LMNTD1: variants seen among roughly 807,000 people sequenced by gnomAD.
LMNTD1 encodes lamin tail domain containing 1.
Under a neutral mutation model 50.9 loss-of-function variants are expected in LMNTD1, and 35 were observed. The observed-to-expected ratio is 0.69, with a 90% confidence interval of 0.53 to 0.91. The LOEUF (loss-of-function observed/expected upper bound fraction) is 0.91. LMNTD1 is among the 40% of genes least tolerant of loss of function. The pLI is 0.00. For missense variants in LMNTD1, 470 were observed against 475.5 expected (o/e 0.99, Z 0.11); for synonymous variants, 153 against 161.9 (o/e 0.94, Z 0.42).
chr12:25,595,767 C>A (rs1355711304), intron 1 of LMNTD1, among the ~76,000 whole-genome samples: 3 of 151,346 alleles, frequency 2.0e-5, no homozygotes, highest in Admixed American at 6.6e-5. Flanking sequence ...GCAACAGCAA[C>A]AAAAAATTAC....
intron 1 of LMNTD1, among the ~76,000 whole-genome samples, chr12:25,591,537 C>T (rs1388263707): frequency 6.6e-6 from 1 of 152,146 alleles, no homozygotes; most frequent in Non-Finnish European, 1.5e-5. Context: ...TGATTCTAGT[C>T]CCTGGCTCCT....
chr12:25,582,137 A>T (rs566033574), intron 1 of LMNTD1, among the ~76,000 whole-genome samples: 2 of 152,276 alleles, frequency 1.3e-5, no homozygotes, highest in Admixed American at 6.5e-5. Flanking sequence ...CTCCATATGG[A>T]TTTTCAGGAT....
intron 6 of LMNTD1, among the ~76,000 whole-genome samples, chr12:25,525,753 A>G (rs1047153806): frequency 6.6e-6 from 1 of 152,030 alleles, no homozygotes; most frequent in African/African-American, 2.4e-5. Flanking sequence ...CCATTCTATG[A>G]AAAAGTAGCC....
At chr12:25,616,655 G>A (rs950665646) in intron 1 of LMNTD1, among the ~76,000 whole-genome samples, 2 of 152,156 alleles carry the variant, frequency 1.3e-5, no homozygotes, top group Non-Finnish European at 2.9e-5. Context: ...TACCATTGGG[G>A]AAAACTGAGT....
chr12:25,487,535 C>G lies in LMNTD1; in HGVS notation c.*23-11075G>C, dbSNP rs1199369433. Among the ~76,000 whole-genome samples, 3 of 142,542 alleles carry G rather than the reference C, an allele frequency of 2.1e-5. No individual in the cohort carries two copies. In the Admixed American group the frequency reaches 2.3e-4, roughly 11 times the overall value. 93.5% of individuals were successfully genotyped at this position (142,542 alleles called of 152,430 possible). ...TTTTGAGCATATGTGTGTCTCTGCA[C>G]GTGAGATGGGTTTCCTGAATACAGC... is the stretch of plus-strand genomic sequence containing the variant. On this transcript the variant is annotated intron_variant, in intron 9 of 9. Transcript: ENST00000458174.
chr12:25,515,501 A>C (rs1489403362), intron 8 of LMNTD1, among the ~76,000 whole-genome samples: 2 of 152,124 alleles, frequency 1.3e-5, no homozygotes, highest in African/African-American at 4.8e-5. Flanking sequence ...GAGAACCAGA[A>C]TGATTTATTC....
chr12:25,584,953 A>G (rs1945456900), intron 1 of LMNTD1, among the ~76,000 whole-genome samples: 1 of 152,254 alleles, frequency 6.6e-6, no homozygotes, highest in Admixed American at 6.5e-5. Context: ...CAAAAGAAAT[A>G]CTAGTTGAAA....
chr12:25,579,420 A>T (rs1365981202), intron 1 of LMNTD1, among the ~76,000 whole-genome samples: 2 of 152,182 alleles, frequency 1.3e-5, no homozygotes, highest in South Asian at 4.1e-4. Flanking sequence ...ACACCATTTT[A>T]TATCAGGGAC....
intron 9 of LMNTD1, among the ~76,000 whole-genome samples, chr12:25,496,522 A>C (rs1158380121): frequency 6.6e-6 from 1 of 152,200 alleles, no homozygotes; most frequent in Non-Finnish European, 1.5e-5. Context: ...AAAATGTACA[A>C]GTCTGCTCCG....
At chr12:25,575,471 T>C (rs1213101195) in intron 1 of LMNTD1, among the ~76,000 whole-genome samples, 2 of 152,180 alleles carry the variant, frequency 1.3e-5, no homozygotes, top group South Asian at 4.1e-4. Context: ...ATGCCATTGA[T>C]TGTACCATGC....
At chr12:25,519,798 ATGC>A in intron 7 of LMNTD1, 57 bp downstream of exon 7, 2 of 1,111,150 alleles carry the variant, frequency 1.8e-6, no homozygotes, top group South Asian at 2.6e-5. Context: ...TCGTTCCCAC[ATGC>A]TTAGTTACTA....
chr12:25,505,637 A>G (rs968841343), intron 8 of LMNTD1, among the ~76,000 whole-genome samples: 1 of 142,274 alleles, frequency 7.0e-6, no homozygotes, highest in East Asian at 2.0e-4. Context: ...TTTATATAAA[A>G]GTTTCTTTTG....
intron 1 of LMNTD1, among the ~76,000 whole-genome samples, chr12:25,577,503 T>TGTATAG (rs56919362): frequency 0.17 from 25,076 of 151,434 alleles, 2,427 homozygotes; most frequent in East Asian, 0.34. Flanking sequence ...CTGTTATTGG[T>TGTATAG]GAATGCTTGT....
In LMNTD1 at chr12:25,549,561, T is replaced by C; in HGVS notation, c.90-15A>G. 7.3e-7 allele frequency: 1 copy of C among 1,371,448 alleles called. No individual in the cohort carries two copies. Among genetic ancestry groups the C allele is most frequent in the Non-Finnish European group, 1.0e-6 (1 of 995,328 alleles). The allele number at this position is 1,371,448 out of a possible 1,614,324, so 85.0% of individuals were successfully genotyped here. On this transcript the variant is annotated splice_polypyrimidine_tract_variant and intron_variant, in intron 2 of 9. Transcript: ENST00000458174. Reference sequence around the variant, plus strand: ...TGTCTTCTCTTCTGTGTACAAAAAATATAATATAAATAAATAAATAAGAAA... The same window carrying C: ...TGTCTTCTCTTCTGTGTACAAAAAACATAATATAAATAAATAAATAAGAAA...
In LMNTD1 at chr12:25,489,581, CA is replaced by C. The variant is rs1938814608; in HGVS notation, c.*23-13122del. ...CCTCAGATGGAAATGCAGAAATCACCAGTCTTCTGCGTCGCTCACGCTGGGA... is the reference window on the plus strand; with the variant it reads ...CCTCAGATGGAAATGCAGAAATCACCGTCTTCTGCGTCGCTCACGCTGGGA... On this transcript the variant is annotated intron_variant, in intron 9 of 9. Coordinates refer to ENST00000458174, the MANE Select transcript of LMNTD1 (RefSeq NM_001145728.2). 2.0e-5 allele frequency among the ~76,000 whole-genome samples: 3 copies of C among 147,988 alleles called. No homozygotes were observed. The South Asian group carries it at 6.6e-4, about 32-fold the overall frequency.
At chr12:25,555,608 G>T (rs1032181441), upstream of LMNTD1, among the ~76,000 whole-genome samples, 37 of 152,004 alleles carry the variant, frequency 2.4e-4, no homozygotes, top group African/African-American at 8.5e-4. Context: ...TTTGAAAAGG[G>T]TTCTTATCTT....
chr12:25,516,492 T>C (rs1940785892), intron 8 of LMNTD1, among the ~76,000 whole-genome samples: 1 of 152,116 alleles, frequency 6.6e-6, no homozygotes, highest in East Asian at 1.9e-4. Flanking sequence ...AAAACATAAA[T>C]TAATGTATTT....
chr12:25,523,676 G>A lies in LMNTD1; in HGVS notation c.798+2423C>T, dbSNP rs987916781. Among the ~76,000 whole-genome samples, 5 of 152,144 alleles carry A rather than the reference G, an allele frequency of 3.3e-5. 1 individual carries two copies. In the South Asian group the frequency reaches 6.2e-4, roughly 19 times the overall value. On this transcript the variant is annotated intron_variant, in intron 6 of 9. Transcript: ENST00000458174. ...AATGAAAATGAATTTATTAGAAAAG[G>A]AACTCTATACTTACATTAGGGTTTC...
chr12:25,499,073 C>A (rs112030741), intron 9 of LMNTD1, among the ~76,000 whole-genome samples: 1,668 of 152,174 alleles, frequency 0.011, 29 homozygotes, highest in African/African-American at 0.038. Flanking sequence ...GAAAGAAATT[C>A]TTTTTTGTTG....
Sources: gnomAD v4.1 joint callset for allele counts (sites outside exome capture counted in the v4.1 genomes callset) on GRCh38, gnomAD v4.1.1 for gene constraint, MANE v1.5 for transcripts, NCBI Gene and HGNC (gene_info 2026-07-23, HGNC 2026-07-21) for gene names.